The following SORCS1 variants were observed in gnomAD, a reference collection of about 807,000 sequenced individuals.
SORCS1 encodes VPS10 domain-containing receptor SorCS1.
Under a neutral mutation model 146.1 loss-of-function variants are expected in SORCS1, and 60 were observed. The ratio of observed to expected loss-of-function variants is 0.41; its 90% CI spans 0.33 to 0.51. The LOEUF is 0.51. SORCS1 is among the 20% of genes least tolerant of loss of function. SORCS1 has a pLI of 0.21. For synonymous variants in SORCS1, 637 were observed against 584.0 expected (o/e 1.09, Z -1.31); for missense variants, 1,352 against 1,487.6 (o/e 0.91, Z 1.50).
intron 2 of SORCS1, among the ~76,000 whole-genome samples, chr10:106,899,607 T>G: frequency 6.6e-6 from 1 of 151,584 alleles, no homozygotes; most frequent in Non-Finnish European, 1.5e-5. Context: ...TTTTTTTTTT[T>G]TTTTTGTCCA....
chr10:106,788,153 AACTC>A (rs769027818), intron 3 of SORCS1, among the ~76,000 whole-genome samples: 11 of 152,174 alleles, frequency 7.2e-5, no homozygotes, highest in Non-Finnish European at 5.9e-5. Flanking sequence ...AGCTCATGAG[AACTC>A]ACTCACTATC....
intron 2 of SORCS1, among the ~76,000 whole-genome samples, chr10:106,870,375 G>T (rs554935724): frequency 1.3e-5 from 2 of 152,044 alleles, no homozygotes; most frequent in Admixed American, 1.3e-4. Flanking sequence ...GGCTCAAATA[G>T]CCCAGGCAAT....
At chr10:106,886,725 A>G (rs992686820) in intron 2 of SORCS1, among the ~76,000 whole-genome samples, 2 of 152,374 alleles carry the variant, frequency 1.3e-5, no homozygotes, top group Middle Eastern at 3.4e-3. Flanking sequence ...CAGCAGATCC[A>G]TTCTCTTTCT....
At chr10:106,981,664 A>AT (rs1400352442) in intron 1 of SORCS1, among the ~76,000 whole-genome samples, 2 of 152,028 alleles carry the variant, frequency 1.3e-5, no homozygotes, top group African/African-American at 4.8e-5. Flanking sequence ...ATCTTTGAGG[A>AT]TTTTTTTTCT....
At chr10:106,632,348 G>A (rs1848487389) in intron 18 of SORCS1, among the ~76,000 whole-genome samples, 1 of 152,160 alleles carries the variant, frequency 6.6e-6, no homozygotes, top group Admixed American at 6.5e-5. Flanking sequence ...TTTCCTTCAG[G>A]AGCTCTCAGG....
intron 21 of SORCS1, among the ~76,000 whole-genome samples, chr10:106,614,918 C>A (rs1589477977): frequency 6.6e-6 from 1 of 152,218 alleles, no homozygotes; most frequent in South Asian, 2.1e-4. Flanking sequence ...CAAACTTGTG[C>A]CCTGGAGCAA....
chr10:106,773,460 C>A (rs754806218), intron 4 of SORCS1, among the ~76,000 whole-genome samples: 1 of 152,200 alleles, frequency 6.6e-6, no homozygotes, highest in Admixed American at 6.5e-5. Context: ...TCCCTTCCAG[C>A]GAATGCCCCA....
At chr10:107,166,393 C>T (rs147141454), upstream of SORCS1, among the ~76,000 whole-genome samples, 1 of 152,180 alleles carries the variant, frequency 6.6e-6, no homozygotes, top group Admixed American at 6.5e-5. Flanking sequence ...CTTGTTCTTA[C>T]GACCAGCGCA....
chr10:106,901,945 G>A (rs1378682707), intron 2 of SORCS1, among the ~76,000 whole-genome samples: 2 of 152,062 alleles, frequency 1.3e-5, no homozygotes, highest in African/African-American at 4.8e-5. Flanking sequence ...TCGGGAGGCT[G>A]AGGCAGGAGA....
At chr10:106,913,013 G>C (rs1357423621) in intron 2 of SORCS1, among the ~76,000 whole-genome samples, 1 of 151,742 alleles carries the variant, frequency 6.6e-6, no homozygotes, top group African/African-American at 2.4e-5. Context: ...GATTCATATA[G>C]AGTTCTGATT....
chr10:107,018,206 G>A (rs772106292), intron 1 of SORCS1, among the ~76,000 whole-genome samples: 13 of 150,938 alleles, frequency 8.6e-5, no homozygotes, highest in African/African-American at 1.2e-4. Flanking sequence ...ACGGAGTCCC[G>A]CTCCGTCGCC....
At chr10:106,718,153 C>G (rs1290517218) in intron 6 of SORCS1, among the ~76,000 whole-genome samples, 1 of 152,130 alleles carries the variant, frequency 6.6e-6, no homozygotes, top group African/African-American at 2.4e-5. Context: ...AGCAGAGAGG[C>G]AAGAGAGAAT....
At chr10:106,889,831 G>GCCGAGAT (rs200702026) in intron 2 of SORCS1, among the ~76,000 whole-genome samples, 8,029 of 147,574 alleles carry the variant, frequency 0.054, 592 homozygotes, top group African/African-American at 0.17. Flanking sequence ...CTTGCAGTGA[G>GCCGAGAT]CCGAGATCGC....
At chr10:106,998,720 C>T (rs1957095389) in intron 1 of SORCS1, among the ~76,000 whole-genome samples, 1 of 152,158 alleles carries the variant, frequency 6.6e-6, no homozygotes, top group South Asian at 2.1e-4. Context: ...TCCAATCCAC[C>T]CCCTACCACA....
chr10:106,997,528 A>G (rs765555035), intron 1 of SORCS1, among the ~76,000 whole-genome samples: 1 of 152,170 alleles, frequency 6.6e-6, no homozygotes, highest in Non-Finnish European at 1.5e-5. Flanking sequence ...ATCTCTAAGC[A>G]TGTTACACTC....
At chr10:106,977,649 G>A (rs1306780161) in intron 1 of SORCS1, among the ~76,000 whole-genome samples, 1 of 98,066 alleles carries the variant, frequency 1.0e-5, no homozygotes, top group South Asian at 2.9e-4. Flanking sequence ...ATAATTTCTT[G>A]TGCTAGGACA....
At chr10:106,779,345 A>C (rs1040869810) in intron 3 of SORCS1, among the ~76,000 whole-genome samples, 5 of 152,110 alleles carry the variant, frequency 3.3e-5, no homozygotes, top group Admixed American at 1.3e-4. Context: ...ATTTTTCATT[A>C]GTTATTTTTC....
At chr10:106,806,993 G>GA (rs1378218787) in intron 3 of SORCS1, among the ~76,000 whole-genome samples, 6 of 151,986 alleles carry the variant, frequency 3.9e-5, no homozygotes, top group African/African-American at 1.4e-4. Context: ...AAGGCATGGG[G>GA]AAAAAAAGCA....
intron 9 of SORCS1, among the ~76,000 whole-genome samples, chr10:106,688,791 CCAAA>C (rs1315466651): frequency 6.6e-6 from 1 of 152,180 alleles, no homozygotes; most frequent in Non-Finnish European, 1.5e-5. Flanking sequence ...TCAGGCTCAT[CCAAA>C]CAAAGTGACT....
Sources: allele counts gnomAD v4.1 joint callset (sites outside exome capture counted in the v4.1 genomes callset), GRCh38; gene constraint gnomAD v4.1.1; transcripts MANE v1.5; gene names NCBI Gene and HGNC (gene_info 2026-07-23, HGNC 2026-07-21).